Variants in TMED8 observed in about 807,000 individuals in gnomAD.
TMED8 encodes the protein protein TMED8.
A neutral mutation model predicts 32.7 loss-of-function variants in TMED8; 15 were observed. That is an observed-to-expected ratio of 0.46 (90% CI 0.31 to 0.71). The LOEUF is 0.71. TMED8 is among the 30% of genes least tolerant of loss of function. The pLI is 0.06. For missense variants in TMED8, 390 were observed against 423.9 expected (o/e 0.92, Z 0.70); for synonymous variants, 147 against 161.4 (o/e 0.91, Z 0.68).
At chr14:77,350,956 A>AT (rs2139613268) in intron 2 of TMED8, among the ~76,000 whole-genome samples, 1 of 152,340 alleles carries the variant, frequency 6.6e-6, no homozygotes, top group Non-Finnish European at 1.5e-5. Flanking sequence ...GATGCTGGTG[A>AT]TAAGCCACAT....
Position 77,351,683 on chromosome 14 carries a change from AG to A in TMED8, c.186del (p.Ser63HisfsTer11). On this transcript the variant is annotated frameshift_variant, in exon 2 of 6. Coordinates refer to ENST00000216468, the MANE Select transcript of TMED8 (RefSeq NM_213601.3). LOFTEE classifies it high-confidence loss of function. ...ATCCAAAGTGGTTACCTGTGGGGTGAGGAGCAGGGTTCTGGATCGGTGGCAG... is the reference window on the plus strand; with the variant it reads ...ATCCAAAGTGGTTACCTGTGGGGTGAGAGCAGGGTTCTGGATCGGTGGCAG... ...LASATDPEPCSSPHRPQMVSP... is the reference protein window; with the variant it reads ...LASATDPEPCXSPHRPQMVSP... 6.2e-7 allele frequency: 1 copy of A among 1,613,376 alleles called. No homozygotes were observed. The highest frequency in any genetic ancestry group is 8.5e-7 in the Non-Finnish European group (1 of 1,179,634).
chr14:77,349,835 TTGA>T (rs1421579119), intron 2 of TMED8, among the ~76,000 whole-genome samples: 1 of 152,220 alleles, frequency 6.6e-6, no homozygotes, highest in Non-Finnish European at 1.5e-5. Context: ...GTCTTAAAAA[TTGA>T]TGATATCTTA....
At position 77,340,946 on chromosome 14, in the gene TMED8, A is replaced by AG. The variant is rs1892882221; in HGVS notation, c.*824dup. On this transcript the variant is annotated 3_prime_UTR_variant, in exon 6 of 6. Transcript: ENST00000216468. ...TGATTATACCAAAAAAAAAAAAAAA[A>AG]GTAACACGACTTTCAAATATGTGGG... 1 of 149,342 alleles carries AG rather than the reference A, an allele frequency of 6.7e-6. No individual in the cohort carries two copies. The highest frequency in any genetic ancestry group is 1.5e-5 in the Non-Finnish European group (1 of 67,202). The allele number at this position is 149,342 out of a possible 1,614,324, so 9.3% of individuals were successfully genotyped here.
In TMED8 at chr14:77,366,152, G is replaced by A. The variant is rs541524138; in HGVS notation, c.118+10784C>T. Among the ~76,000 whole-genome samples the A allele has an allele frequency of 5.9e-5, 9 of 152,188 alleles. No homozygotes were observed. In the East Asian group the frequency reaches 1.4e-3, roughly 23 times the overall value. ...CTAGGTATGTCCATTTCTAGTCCCC[G>A]ACATCCCTCAAAGATGGTGCACAAG... On this transcript the variant is annotated intron_variant, in intron 1 of 5. Transcript: ENST00000216468.
rs145540297 is a variant in TMED8, at chr14:77,335,436, C to T, written c.*6335G>A. 1 of 152,202 alleles carries T rather than the reference C, an allele frequency of 6.6e-6. No individual in the cohort carries two copies. Among genetic ancestry groups the T allele is most frequent in the Non-Finnish European group, 1.5e-5 (1 of 68,034 alleles). The allele number at this position is 152,202 out of a possible 1,614,324, so 9.4% of individuals were successfully genotyped here. ...CAGACCCTTTTTGTAATGTCAGCAA[C>T]AGTACATGATATAGAACAGTAAGAA... On this transcript the variant is annotated 3_prime_UTR_variant, in exon 6 of 6. Transcript: ENST00000216468.
chr14:77,341,653 G>T lies in TMED8; in HGVS notation c.*118C>A. ...GCCAACAGTCAGGCATGCCAGACAG[G>T]GTGTGAGGCTCAGCAGCCCCCCATG... On this transcript the variant is annotated 3_prime_UTR_variant, in exon 6 of 6. Coordinates refer to ENST00000216468, the MANE Select transcript of TMED8 (RefSeq NM_213601.3). 2.1e-6 allele frequency: 2 copies of T among 967,064 alleles called. No individual in the cohort carries two copies. Among genetic ancestry groups the T allele is most frequent in the Non-Finnish European group, 1.6e-6 (1 of 629,856 alleles). 59.9% of individuals were successfully genotyped at this position (967,064 alleles called of 1,614,324 possible).
At chr14:77,351,347 G>A (rs1165508237) in intron 2 of TMED8, among the ~76,000 whole-genome samples, 11 of 150,632 alleles carry the variant, frequency 7.3e-5, no homozygotes, top group Admixed American at 2.6e-4. Flanking sequence ...TTAGCCAGGC[G>A]TGGTGGTGCG....
At position 77,338,666 on chromosome 14, in the gene TMED8, G is replaced by A. The variant is rs935445652; in HGVS notation, c.*3105C>T. 1.3e-5 allele frequency: 2 copies of A among 152,118 alleles called. No homozygotes were observed. Among genetic ancestry groups the A allele is most frequent in the Non-Finnish European group, 2.9e-5 (2 of 68,044 alleles). 9.4% of individuals were successfully genotyped at this position (152,118 alleles called of 1,614,324 possible). A position where few individuals can be genotyped will look rare whatever the true frequency, so the allele number is the denominator to read the frequency against. On this transcript the variant is annotated 3_prime_UTR_variant, in exon 6 of 6. Coordinates refer to ENST00000216468, the MANE Select transcript of TMED8 (RefSeq NM_213601.3). Reference sequence around the variant, plus strand: ...ATAAAACTGTAACCCGACTACCTCGGGCACATGTTCTAAGAACCTCCTGAG... The same window carrying A: ...ATAAAACTGTAACCCGACTACCTCGAGCACATGTTCTAAGAACCTCCTGAG...
chr14:77,369,878 A>C, intron 1 of TMED8, among the ~76,000 whole-genome samples: 1 of 152,256 alleles, frequency 6.6e-6, no homozygotes, highest in East Asian at 1.9e-4. Context: ...AAACAAAAAT[A>C]GTTCTGCCCT....
At chr14:77,342,969 G>C (rs527324001) in intron 5 of TMED8, among the ~76,000 whole-genome samples, 14 of 152,166 alleles carry the variant, frequency 9.2e-5, no homozygotes, top group African/African-American at 3.4e-4. Flanking sequence ...ATGAGGTACC[G>C]ATAAGGAAAA....
chr14:77,353,074 T>G (rs1209543637), intron 1 of TMED8, among the ~76,000 whole-genome samples: 1 of 152,218 alleles, frequency 6.6e-6, no homozygotes, highest in Non-Finnish European at 1.5e-5. Flanking sequence ...CACAGCCATT[T>G]TTGCAGTAAG....
chr14:77,366,080 T>C (rs998996442), intron 1 of TMED8, among the ~76,000 whole-genome samples: 1 of 152,190 alleles, frequency 6.6e-6, no homozygotes, highest in Non-Finnish European at 1.5e-5. Context: ...CTGGATCAAG[T>C]TTAATGGTCT....
chr14:77,348,668 T>C (rs74395331), intron 2 of TMED8, among the ~76,000 whole-genome samples: 4,323 of 152,304 alleles, frequency 0.028, 204 homozygotes, highest in African/African-American at 0.099. Flanking sequence ...AGTAAATGAC[T>C]GGAAAATGGT....
chr14:77,355,669 TAC>T (rs1206269739), intron 1 of TMED8, among the ~76,000 whole-genome samples: 2 of 152,214 alleles, frequency 1.3e-5, no homozygotes, highest in Non-Finnish European at 2.9e-5. Flanking sequence ...CTATAACAAT[TAC>T]AGATTGTTAT....
Position 77,351,720 on chromosome 14 carries a change from A to G in TMED8, c.150T>C (p.Ser50=). Reference sequence around the variant, plus strand: ...CTGGATCGGTGGCAGAAGCCAATAAAGAGGTATCCTTGTTTTCTAGATCTT... The same window carrying G: ...CTGGATCGGTGGCAGAAGCCAATAAGGAGGTATCCTTGTTTTCTAGATCTT... ...ENEDLENKDT[S]LLASATDPEP... The change falls in exon 2 of 6, where the codon TCT becomes TCC. Residue 50 remains serine (S), a synonymous_variant. Transcript: ENST00000216468. 6.2e-7 allele frequency: 1 copy of G among 1,613,410 alleles called. No individual in the cohort carries two copies. The highest frequency in any genetic ancestry group is 8.5e-7 in the Non-Finnish European group (1 of 1,179,658).
intron 1 of TMED8, among the ~76,000 whole-genome samples, chr14:77,364,387 G>A (rs1034701249): frequency 6.6e-6 from 1 of 151,992 alleles, no homozygotes; most frequent in Non-Finnish European, 1.5e-5. Context: ...AGGACCACAG[G>A]TATGCATCAC....
rs1020717464 is a variant in TMED8, at chr14:77,356,839, T to C, written c.119-5088A>G. Reference sequence around the variant, plus strand: ...CACCACCATGGGTCTGTATACAATATATTTGTTGACATTTTAAAAAACTGA... The same window carrying C: ...CACCACCATGGGTCTGTATACAATACATTTGTTGACATTTTAAAAAACTGA... On this transcript the variant is annotated intron_variant, in intron 1 of 5. Coordinates refer to ENST00000216468, the MANE Select transcript of TMED8 (RefSeq NM_213601.3). Among the ~76,000 whole-genome samples the C allele has an allele frequency of 2.6e-5, 4 of 152,192 alleles. No homozygotes were observed. In the South Asian group the frequency reaches 8.3e-4, roughly 31 times the overall value.
intron 1 of TMED8, among the ~76,000 whole-genome samples, chr14:77,374,467 T>C (rs1366384471): frequency 1.3e-5 from 2 of 152,276 alleles, no homozygotes; most frequent in East Asian, 3.8e-4. Flanking sequence ...CCTCACTAGA[T>C]GTCAGCAATA....
In TMED8 at chr14:77,346,443, G is replaced by A. The variant is rs779765279; in HGVS notation, c.233C>T (p.Thr78Met). The change falls in exon 3 of 6, where the codon ACG (threonine) becomes ATG (methionine). Residue 78 changes from threonine (T) to methionine (M), a missense_variant. Transcript: ENST00000216468. ...ACCAGTTGCTTTCCGCAGATCTTCC[G>A]TGGCATCCTTACTCACTGGAGATAC... ...QMVSPVSKDA[T>M]EDLRKATGPL... is the part of the protein sequence containing the mutation. The A allele has an allele frequency of 6.8e-6, 11 of 1,614,004 alleles. No individual in the cohort carries two copies. Among genetic ancestry groups the A allele is most frequent in the African/African-American group, 4.0e-5 (3 of 74,894 alleles).
Sources: allele counts gnomAD v4.1 joint callset (sites outside exome capture counted in the v4.1 genomes callset), GRCh38; gene constraint gnomAD v4.1.1; transcripts MANE v1.5; gene names NCBI Gene and HGNC (gene_info 2026-07-23, HGNC 2026-07-21).